Variants in PKHD1 observed in about 807,000 individuals in gnomAD.
The protein encoded by PKHD1 is fibrocystin.
Under a neutral mutation model 412.0 loss-of-function variants are expected in PKHD1, and 291 were observed. That is an observed-to-expected ratio of 0.71 (90% CI 0.64 to 0.78). The LOEUF (loss-of-function observed/expected upper bound fraction) is 0.78, where lower values mean the gene tolerates loss of function less well. PKHD1 is among the 30% of genes least tolerant of loss of function. The pLI is 0.00. For synonymous variants in PKHD1, 1,777 were observed against 1,821.5 expected (o/e 0.98, Z 0.62); for missense variants, 4,825 against 4,950.7 (o/e 0.97, Z 0.76).
intron 63 of PKHD1, among the ~76,000 whole-genome samples, chr6:51,647,501 G>T (rs929588437): frequency 6.6e-6 from 1 of 152,170 alleles, no homozygotes; most frequent in East Asian, 1.9e-4. Flanking sequence ...AGACAAAAGA[G>T]GGTAGACAAA....
Position 51,855,887 on chromosome 6 carries a change from G to A in PKHD1, c.7911+6C>T, listed in dbSNP as rs1177758225. 1.9e-6 allele frequency: 3 copies of A among 1,608,110 alleles called. No homozygotes were observed. Among genetic ancestry groups the A allele is most frequent in the Non-Finnish European group, 8.5e-7 (1 of 1,174,650 alleles). The stretch of plus-strand genomic sequence containing the variant: ...AGCATACCAACTAATGGATTCCTTG[G>A]GTTACCTGCAGAGATCTGTTGATCC... On this transcript the variant is annotated splice_donor_region_variant and intron_variant, in intron 49 of 66. Transcript: ENST00000371117.
intron 55 of PKHD1, among the ~76,000 whole-genome samples, chr6:51,772,306 A>T (rs889038740): frequency 7.0e-6 from 1 of 143,662 alleles, no homozygotes; most frequent in African/African-American, 2.8e-5. Context: ...TTCACAATAT[A>T]CTTCATATGT....
At chr6:52,056,460 G>T (rs1466946969) in intron 18 of PKHD1, among the ~76,000 whole-genome samples, 2 of 151,948 alleles carry the variant, frequency 1.3e-5, no homozygotes, top group African/African-American at 4.8e-5. Flanking sequence ...GGAGGGTGCT[G>T]CACTCTACCT....
At chr6:51,928,246 G>A (rs539542873) in intron 37 of PKHD1, among the ~76,000 whole-genome samples, 99 of 152,274 alleles carry the variant, frequency 6.5e-4, no homozygotes, top group African/African-American at 2.3e-3. Context: ...AGATTAATCA[G>A]GACTGGCATT....
At chr6:51,638,318 C>T (rs1768854078) in intron 64 of PKHD1, among the ~76,000 whole-genome samples, 1 of 152,070 alleles carries the variant, frequency 6.6e-6, no homozygotes, top group African/African-American at 2.4e-5. Flanking sequence ...CAAATGATCA[C>T]TATATTTTCA....
chr6:51,973,113 A>G (rs1433377980), intron 35 of PKHD1, among the ~76,000 whole-genome samples: 1 of 152,244 alleles, frequency 6.6e-6, no homozygotes, highest in Admixed American at 6.5e-5. Flanking sequence ...AAACCATCCA[A>G]AAATCAACTA....
At chr6:51,840,731 G>A (rs1055822513) in intron 50 of PKHD1, among the ~76,000 whole-genome samples, 1 of 152,138 alleles carries the variant, frequency 6.6e-6, no homozygotes, top group African/African-American at 2.4e-5. Flanking sequence ...TTTGTTCTCA[G>A]GAGCAGGTGT....
At chr6:52,052,666 A>C (rs34381822) in intron 21 of PKHD1, among the ~76,000 whole-genome samples, 1 of 152,316 alleles carries the variant, frequency 6.6e-6, no homozygotes, top group Admixed American at 6.5e-5. Flanking sequence ...AATAATAATA[A>C]CAATAATTGC....
At chr6:51,983,229 G>C (rs932889521) in intron 35 of PKHD1, among the ~76,000 whole-genome samples, 7 of 152,186 alleles carry the variant, frequency 4.6e-5, no homozygotes, top group Admixed American at 3.9e-4. Context: ...AATTTTCTAC[G>C]TACCTACAGA....
In PKHD1 at chr6:51,996,160, G is replaced by C. The variant is rs868524058; in HGVS notation, c.5751+14149C>G. ...AGCTGGGACTACAGGCGCCTGCCAC[G>C]ACGCCTGGCTTTTTTTTTTTTTTTT... On this transcript the variant is annotated intron_variant, in intron 35 of 66. Coordinates refer to ENST00000371117, the MANE Select transcript of PKHD1 (RefSeq NM_138694.4). Among the ~76,000 whole-genome samples the C allele has an allele frequency of 3.9e-3, 568 of 143,894 alleles. 5 individuals carry two copies. Among genetic ancestry groups the C allele is most frequent in the African/African-American group, 0.014 (538 of 39,504 alleles). 94.4% of individuals were successfully genotyped at this position (143,894 alleles called of 152,430 possible).
Position 51,992,451 on chromosome 6 carries a change from C to T in PKHD1, c.5751+17858G>A, listed in dbSNP as rs564724203. ...AATTCTGTGAGCAGAAGAGATGAGG[C>T]AAAGAAATCAAGAATCACTCCCTGA... On this transcript the variant is annotated intron_variant, in intron 35 of 66. Coordinates refer to ENST00000371117, the MANE Select transcript of PKHD1 (RefSeq NM_138694.4). Among the ~76,000 whole-genome samples the T allele has an allele frequency of 2.7e-4, 41 of 152,278 alleles. 1 individual carries two copies. The highest frequency in any genetic ancestry group is 1.2e-4 in the Non-Finnish European group (8 of 68,024).
chr6:51,976,676 A>C (rs1013389761), intron 35 of PKHD1, among the ~76,000 whole-genome samples: 14 of 152,238 alleles, frequency 9.2e-5, no homozygotes, highest in Admixed American at 2.0e-4. Context: ...AAGGCCAGGC[A>C]CGGTGGCTCA....
intron 51 of PKHD1, among the ~76,000 whole-genome samples, chr6:51,832,716 A>G (rs923854672): frequency 8.5e-5 from 13 of 152,254 alleles, no homozygotes; most frequent in Admixed American, 3.9e-4. Context: ...GGTGGTTGTA[A>G]TAGCTCCAGA....
At chr6:51,808,029 C>A (rs1273900525) in intron 52 of PKHD1, among the ~76,000 whole-genome samples, 1 of 151,890 alleles carries the variant, frequency 6.6e-6, no homozygotes, top group African/African-American at 2.4e-5. Context: ...ACGAATTGTA[C>A]AATTTAAAAG....
At chr6:51,625,674 A>G (rs967464849) in intron 66 of PKHD1, among the ~76,000 whole-genome samples, 3 of 152,152 alleles carry the variant, frequency 2.0e-5, no homozygotes, top group Admixed American at 2.0e-4. Context: ...GGACGGCATA[A>G]TGTAGTTAAT....
In PKHD1 at chr6:51,648,031, CT is replaced by C; in HGVS notation, c.11397del (p.Cys3801AlafsTer19). ...TGAAATTTACAGATACTTTACCTAC[CT>C]TTTAGCACTGAGTCTGATGCTCCTT... is the stretch of plus-strand genomic sequence containing the variant. ...SLEGASDSVL[K>X]GCTQAETQDG... is the part of the protein sequence containing the mutation. On this transcript the variant is annotated frameshift_variant and splice_region_variant, in exon 63 of 67. Coordinates refer to ENST00000371117, the MANE Select transcript of PKHD1 (RefSeq NM_138694.4). LOFTEE classifies it high-confidence loss of function. 6.4e-7 allele frequency: 1 copy of C among 1,559,076 alleles called. No individual in the cohort carries two copies. The highest frequency in any genetic ancestry group is 8.9e-7 in the Non-Finnish European group (1 of 1,129,798).
At chr6:51,860,157 C>T (rs1187869238) in intron 48 of PKHD1, among the ~76,000 whole-genome samples, 1 of 152,214 alleles carries the variant, frequency 6.6e-6, no homozygotes, top group Non-Finnish European at 1.5e-5. Context: ...ATATATACTA[C>T]ACTTTTATCA....
chr6:51,710,376 A>G (rs1337910176), intron 60 of PKHD1, among the ~76,000 whole-genome samples: 1 of 152,122 alleles, frequency 6.6e-6, no homozygotes, highest in Non-Finnish European at 1.5e-5. Flanking sequence ...CTGGTTGAAC[A>G]TTTTTCCATA....
chr6:51,759,554 A>AG (rs1310042252), intron 55 of PKHD1, among the ~76,000 whole-genome samples: 19 of 152,262 alleles, frequency 1.2e-4, no homozygotes, highest in Admixed American at 5.2e-4. Context: ...TAGAAAAAAA[A>AG]GAGGTTGAAA....
Sources: gnomAD v4.1 joint callset for allele counts (sites outside exome capture counted in the v4.1 genomes callset) on GRCh38, gnomAD v4.1.1 for gene constraint, MANE v1.5 for transcripts, NCBI Gene and HGNC (gene_info 2026-07-23, HGNC 2026-07-21) for gene names.